The following NOPCHAP1 variants were observed in gnomAD, a reference collection of about 807,000 sequenced individuals.
The protein encoded by NOPCHAP1 is DNA damage-sensitive RNA 1.
NOPCHAP1 carries 13 observed loss-of-function variants against 14.0 expected under a neutral mutation model. The ratio of observed to expected loss-of-function variants is 0.93; its 90% confidence interval spans 0.60 to 1.47. The LOEUF (loss-of-function observed/expected upper bound fraction) is 1.47, where lower values mean the gene tolerates loss of function less well. Among genes scored for constraint, NOPCHAP1 ranks in the 40% most tolerant of loss-of-function variants. NOPCHAP1 has a pLI of 0.00. For synonymous variants in NOPCHAP1, 78 were observed against 78.4 expected (o/e 1.00, Z 0.03); for missense variants, 230 against 226.9 (o/e 1.01, Z -0.09).
Position 104,995,736 on chromosome 12 carries a change from A to C in NOPCHAP1, c.*1040A>C, listed in dbSNP as rs1479241260. ...TGCTCTGTTGCTCAGGCTGGAGTGC[A>C]GTGGCGCGATCTCAGCTCACTACAA... On this transcript the variant is annotated 3_prime_UTR_variant, in exon 4 of 4. Coordinates refer to ENST00000552951, the MANE Select transcript of NOPCHAP1 (RefSeq NM_152318.3). 6.6e-6 allele frequency: 1 copy of C among 151,612 alleles called. No individual in the cohort carries two copies. The highest frequency in any genetic ancestry group is 1.5e-5 in the Non-Finnish European group (1 of 68,032). 9.4% of individuals were successfully genotyped at this position (151,612 alleles called of 1,614,324 possible).
Position 105,015,761 on chromosome 12 carries a change from G to A in NOPCHAP1, c.*21065G>A, listed in dbSNP as rs954272483. On this transcript the variant is annotated 3_prime_UTR_variant, in exon 4 of 4. Transcript: ENST00000552951. ...TTCAGGCATCCTCTGGGGGGTCTTGGAATGTATCCCCCATGGATAAGACTA... is the reference window on the plus strand; with the variant it reads ...TTCAGGCATCCTCTGGGGGGTCTTGAAATGTATCCCCCATGGATAAGACTA... The A allele has an allele frequency of 7.2e-5, 11 of 152,162 alleles. No individual in the cohort carries two copies. Among genetic ancestry groups the A allele is most frequent in the African/African-American group, 1.9e-4 (8 of 41,434 alleles). 9.4% of individuals were successfully genotyped at this position (152,162 alleles called of 1,614,324 possible).
chr12:104,993,409 C>G (rs1425536251), intron 3 of NOPCHAP1, among the ~76,000 whole-genome samples: 1 of 152,078 alleles, frequency 6.6e-6, no homozygotes, highest in South Asian at 2.1e-4. Context: ...GCACCTGGAT[C>G]CAGGTGCTCA....
Position 105,003,117 on chromosome 12 carries a change from G to A in NOPCHAP1, c.*8421G>A, listed in dbSNP as rs1318889266. Reference sequence around the variant, plus strand: ...TTCTGTAAGGAATCTTTTACTACCTGTATGTACCAATTTAAAGAATGCATC... The same window carrying A: ...TTCTGTAAGGAATCTTTTACTACCTATATGTACCAATTTAAAGAATGCATC... On this transcript the variant is annotated 3_prime_UTR_variant, in exon 4 of 4. Coordinates refer to ENST00000552951, the MANE Select transcript of NOPCHAP1 (RefSeq NM_152318.3). The A allele has an allele frequency of 2.0e-5, 3 of 152,154 alleles. No individual in the cohort carries two copies. Among genetic ancestry groups the A allele is most frequent in the Non-Finnish European group, 2.9e-5 (2 of 68,028 alleles). The allele number at this position is 152,154 out of a possible 1,614,324, so 9.4% of individuals were successfully genotyped here.
Position 104,998,122 on chromosome 12 carries a change from G to C in NOPCHAP1, c.*3426G>C, listed in dbSNP as rs970518359. 2 of 152,062 alleles carry C rather than the reference G, an allele frequency of 1.3e-5. No homozygotes were observed. The highest frequency in any genetic ancestry group is 2.9e-5 in the Non-Finnish European group (2 of 68,012). The allele number at this position is 152,062 out of a possible 1,614,324, so 9.4% of individuals were successfully genotyped here. A position where few individuals can be genotyped will look rare whatever the true frequency, so the allele number is the denominator to read the frequency against. On this transcript the variant is annotated 3_prime_UTR_variant, in exon 4 of 4. Transcript: ENST00000552951. ...TTTTATTGTAATCCTTAGATTCCAC[G>C]GATTGGGTTTGACTTTATCCTGTAT...
At position 105,016,321 on chromosome 12, in the gene NOPCHAP1, A is replaced by G. The variant is rs1873944903; in HGVS notation, c.*21625A>G. 6.6e-6 allele frequency: 1 copy of G among 152,250 alleles called. No homozygotes were observed. The highest frequency in any genetic ancestry group is 6.5e-5 in the Admixed American group (1 of 15,290). The allele number at this position is 152,250 out of a possible 1,614,324, so 9.4% of individuals were successfully genotyped here. A position where few individuals can be genotyped will look rare whatever the true frequency, so the allele number is the denominator to read the frequency against. ...CACCTGTCAAATTGGCAGATGCAACAGTAGCTGGTACTTACTGAGCCCTTT... is the reference window on the plus strand; with the variant it reads ...CACCTGTCAAATTGGCAGATGCAACGGTAGCTGGTACTTACTGAGCCCTTT... On this transcript the variant is annotated 3_prime_UTR_variant, in exon 4 of 4. Coordinates refer to ENST00000552951, the MANE Select transcript of NOPCHAP1 (RefSeq NM_152318.3).
rs1873553981 is a variant in NOPCHAP1 at position 104,999,043 on chromosome 12, T to C, written c.*4347T>C. The C allele has an allele frequency of 6.5e-6, 1 of 153,064 alleles. No individual in the cohort carries two copies. Among genetic ancestry groups the C allele is most frequent in the East Asian group, 1.9e-4 (1 of 5,196 alleles). The allele number at this position is 153,064 out of a possible 1,614,324, so 9.5% of individuals were successfully genotyped here. A position where few individuals can be genotyped will look rare whatever the true frequency, so the allele number is the denominator to read the frequency against. On this transcript the variant is annotated 3_prime_UTR_variant, in exon 4 of 4. Transcript: ENST00000552951. ...CTAGTTTTGCAGCTGGTGGCAGTGT[T>C]GGTGTCGGAGTGGGGTACTGGTGGT...
rs1409838365 is a variant in NOPCHAP1, at chr12:104,996,053, A to C, written c.*1357A>C. On this transcript the variant is annotated 3_prime_UTR_variant, in exon 4 of 4. Coordinates refer to ENST00000552951, the MANE Select transcript of NOPCHAP1 (RefSeq NM_152318.3). ...TTGGTGCAAATTTCAATTGCTGACC[A>C]TTTTAGACTCTGATAATAGGAGGTA... The C allele has an allele frequency of 6.6e-6, 1 of 152,108 alleles. No homozygotes were observed. The highest frequency in any genetic ancestry group is 1.5e-5 in the Non-Finnish European group (1 of 68,030). 9.4% of individuals were successfully genotyped at this position (152,108 alleles called of 1,614,324 possible).
rs1334972846 is a variant in NOPCHAP1, at chr12:104,997,263, C to T, written c.*2567C>T. ...ATATAGTTAGCACTCCCTTCCAAAA[C>T]TCTTGTAAGGCAGATCTGATGTTAA... On this transcript the variant is annotated 3_prime_UTR_variant, in exon 4 of 4. Transcript: ENST00000552951. 2.0e-5 allele frequency: 3 copies of T among 152,178 alleles called. No homozygotes were observed. The highest frequency in any genetic ancestry group is 4.4e-5 in the Non-Finnish European group (3 of 68,038). The allele number at this position is 152,178 out of a possible 1,614,324, so 9.4% of individuals were successfully genotyped here.
rs865961233 is a variant in NOPCHAP1 at position 105,000,202 on chromosome 12, A to G, written c.*5506A>G. The G allele has an allele frequency of 5.3e-5, 8 of 152,150 alleles. No individual in the cohort carries two copies. Among genetic ancestry groups the G allele is most frequent in the African/African-American group, 1.9e-4 (8 of 41,430 alleles). 9.4% of individuals were successfully genotyped at this position (152,150 alleles called of 1,614,324 possible). ...CCTTTTGTAGGCATCACTTGGTTTG[A>G]TGTTCTATATTTGATAGTGGTTAGG... On this transcript the variant is annotated 3_prime_UTR_variant, in exon 4 of 4. Transcript: ENST00000552951.
In NOPCHAP1 at chr12:105,006,039, T is replaced by G. The variant is rs1873702338; in HGVS notation, c.*11343T>G. 1 of 152,222 alleles carries G rather than the reference T, an allele frequency of 6.6e-6. No individual in the cohort carries two copies. The highest frequency in any genetic ancestry group is 6.5e-5 in the Admixed American group (1 of 15,274). 9.4% of individuals were successfully genotyped at this position (152,222 alleles called of 1,614,324 possible). On this transcript the variant is annotated 3_prime_UTR_variant, in exon 4 of 4. Transcript: ENST00000552951. ...GTGTGATGTCTGTTAGCTTTTGAATTTCTCCAAGATCCCTGTCTTGAAACC... is the reference window on the plus strand; with the variant it reads ...GTGTGATGTCTGTTAGCTTTTGAATGTCTCCAAGATCCCTGTCTTGAAACC...
rs1392654456 is a variant in NOPCHAP1, at chr12:105,015,682, A to G, written c.*20986A>G. ...CCCACCGTTTAGTCACTTAGCAGCC[A>G]TCTGGATTCTCAGATTGAAAACAGT... On this transcript the variant is annotated 3_prime_UTR_variant, in exon 4 of 4. Coordinates refer to ENST00000552951, the MANE Select transcript of NOPCHAP1 (RefSeq NM_152318.3). 1 of 152,254 alleles carries G rather than the reference A, an allele frequency of 6.6e-6. No homozygotes were observed. Among genetic ancestry groups the G allele is most frequent in the Non-Finnish European group, 1.5e-5 (1 of 68,050 alleles). The allele number at this position is 152,254 out of a possible 1,614,324, so 9.4% of individuals were successfully genotyped here.
At position 104,995,048 on chromosome 12, in the gene NOPCHAP1, G is replaced by C. The variant is rs1873470354; in HGVS notation, c.*352G>C. ...GGCTGCCTGATGTCCCATAGGTATG[G>C]TCTGATCTAAGGAGATCTAAGGCTG... is the stretch of plus-strand genomic sequence containing the variant. On this transcript the variant is annotated 3_prime_UTR_variant, in exon 4 of 4. Transcript: ENST00000552951. 9.9e-6 allele frequency: 3 copies of C among 302,194 alleles called. No individual in the cohort carries two copies. The Admixed American group carries it at 1.5e-4, about 16-fold the overall frequency. 18.7% of individuals were successfully genotyped at this position (302,194 alleles called of 1,614,324 possible). A position where few individuals can be genotyped will look rare whatever the true frequency, so the allele number is the denominator to read the frequency against.
Position 105,010,599 on chromosome 12 carries a change from T to G in NOPCHAP1, c.*15903T>G, listed in dbSNP as rs1406895274. On this transcript the variant is annotated 3_prime_UTR_variant, in exon 4 of 4. Coordinates refer to ENST00000552951, the MANE Select transcript of NOPCHAP1 (RefSeq NM_152318.3). Reference sequence around the variant, plus strand: ...TCGATTTTAGATCTTTCCCGCTTTCTCCTGTGGGCATTTAGTGCTATAAAT... The same window carrying G: ...TCGATTTTAGATCTTTCCCGCTTTCGCCTGTGGGCATTTAGTGCTATAAAT... The G allele has an allele frequency of 6.6e-6, 1 of 152,226 alleles. No individual in the cohort carries two copies. Among genetic ancestry groups the G allele is most frequent in the East Asian group, 1.9e-4 (1 of 5,202 alleles). 9.4% of individuals were successfully genotyped at this position (152,226 alleles called of 1,614,324 possible).
At chr12:104,987,923 G>T (rs569716038) in intron 1 of NOPCHAP1, among the ~76,000 whole-genome samples, 1 of 152,304 alleles carries the variant, frequency 6.6e-6, no homozygotes, top group East Asian at 1.9e-4. Context: ...GCAGATTGGT[G>T]TGCATTTATT....
At chr12:104,993,066 C>T (rs1264304331) in intron 3 of NOPCHAP1, among the ~76,000 whole-genome samples, 1 of 152,190 alleles carries the variant, frequency 6.6e-6, no homozygotes, top group East Asian at 1.9e-4. Flanking sequence ...CCCTCTGTTT[C>T]TTTTCAGTCG....
Position 105,004,382 on chromosome 12 carries a change from AAC to A in NOPCHAP1, c.*9687_*9688del, listed in dbSNP as rs1225721872. ...TCAGGAGTTTGAGACCTGCCTGGCC[AAC>A]GTGAATCCCCGTCTCTACTAAAAAT... On this transcript the variant is annotated 3_prime_UTR_variant, in exon 4 of 4. Coordinates refer to ENST00000552951, the MANE Select transcript of NOPCHAP1 (RefSeq NM_152318.3). 6.6e-6 allele frequency: 1 copy of A among 152,198 alleles called. No homozygotes were observed. The highest frequency in any genetic ancestry group is 2.4e-5 in the African/African-American group (1 of 41,436). 9.4% of individuals were successfully genotyped at this position (152,198 alleles called of 1,614,324 possible).
At chr12:104,986,541 C>T (rs1052926109) in intron 1 of NOPCHAP1, 74 bp downstream of exon 1, 13 of 1,262,400 alleles carry the variant, frequency 1.0e-5, no homozygotes, top group Non-Finnish European at 1.3e-5. Flanking sequence ...GTTTGGGAGC[C>T]GGCCGGTGGC....
Position 104,995,564 on chromosome 12 carries a change from A to T in NOPCHAP1, c.*868A>T, listed in dbSNP as rs1873482496. On this transcript the variant is annotated 3_prime_UTR_variant, in exon 4 of 4. Coordinates refer to ENST00000552951, the MANE Select transcript of NOPCHAP1 (RefSeq NM_152318.3). ...ACCCCAGGAGGTCTGGTTGGTCATAAAATAAGATTTTTCCCTATCTGTGCA... is the reference window on the plus strand; with the variant it reads ...ACCCCAGGAGGTCTGGTTGGTCATATAATAAGATTTTTCCCTATCTGTGCA... 6.6e-6 allele frequency: 1 copy of T among 152,162 alleles called. No homozygotes were observed. The highest frequency in any genetic ancestry group is 1.5e-5 in the Non-Finnish European group (1 of 68,048). The allele number at this position is 152,162 out of a possible 1,614,324, so 9.4% of individuals were successfully genotyped here.
At chr12:104,994,371 TTA>T (rs1220262620) in intron 3 of NOPCHAP1, 105 bp from the exon 4 acceptor site, 1 of 1,078,074 alleles carries the variant, frequency 9.3e-7, no homozygotes, top group Non-Finnish European at 1.4e-6. Flanking sequence ...TTCTTATCCT[TTA>T]TGTTTCAATA....
Sources: gnomAD v4.1 joint callset for allele counts (sites outside exome capture counted in the v4.1 genomes callset) on GRCh38, gnomAD v4.1.1 for gene constraint, MANE v1.5 for transcripts, NCBI Gene and HGNC (gene_info 2026-07-23, HGNC 2026-07-21) for gene names.